The following DNAH8 variants were observed in gnomAD, a reference collection of about 807,000 sequenced individuals.
DNAH8 encodes the protein axonemal beta dynein heavy chain 8.
A neutral mutation model predicts 562.1 loss-of-function variants in DNAH8; 382 were observed. The observed-to-expected ratio is 0.68, with a 90% CI of 0.63 to 0.74. The LOEUF is 0.74. Ranked by LOEUF, DNAH8 falls within the 30% of genes least tolerant of loss-of-function variation. The pLI, the probability that DNAH8 is intolerant of heterozygous loss-of-function variation, is 0.00. For missense variants in DNAH8, 5,203 were observed against 5,620.4 expected (o/e 0.93, Z 2.37); for synonymous variants, 1,881 against 1,919.4 (o/e 0.98, Z 0.52).
intron 87 of DNAH8, among the ~76,000 whole-genome samples, chr6:38,987,739 T>C (rs1241606716): frequency 6.6e-6 from 1 of 152,188 alleles, no homozygotes; most frequent in East Asian, 1.9e-4. Context: ...TTCCTTATCC[T>C]ACTGAATCTT....
At chr6:38,843,094 T>G (rs2150373120) in intron 35 of DNAH8, among the ~76,000 whole-genome samples, 191 bp downstream of exon 35, 1 of 152,318 alleles carries the variant, frequency 6.6e-6, no homozygotes, top group East Asian at 1.9e-4. Flanking sequence ...GATTATATGA[T>G]TATTTGAAAT....
At chr6:38,770,083 G>A (rs905458346) in intron 11 of DNAH8, among the ~76,000 whole-genome samples, 4 of 152,108 alleles carry the variant, frequency 2.6e-5, no homozygotes, top group Non-Finnish European at 5.9e-5. Context: ...ATATACCTGC[G>A]CATAAAGAAT....
rs1207477459 is a variant in DNAH8 at position 38,935,691 on chromosome 6, A to C, written c.11557A>C (p.Thr3853Pro). The C allele has an allele frequency of 6.2e-7, 1 of 1,601,196 alleles. No homozygotes were observed. Among genetic ancestry groups the C allele is most frequent in the Non-Finnish European group, 8.5e-7 (1 of 1,171,354 alleles). ...TAACCTCCTCTATAAATTAAGTGCT[A>C]CAAAAGGTATTGTGTTATTAAGAAG... ...EDNLLYKLSATKGSLVDDESL... is the reference protein window; with the variant it reads ...EDNLLYKLSAPKGSLVDDESL... Residue 3853 changes from threonine to proline, a missense_variant, in exon 77 of 93, where the codon ACA becomes CCA. Coordinates refer to ENST00000327475, the MANE Select transcript of DNAH8 (RefSeq NM_001206927.2).
chr6:38,850,588 G>A (rs541381298), intron 38 of DNAH8, among the ~76,000 whole-genome samples, 174 bp downstream of exon 38: 50 of 152,296 alleles, frequency 3.3e-4, no homozygotes, highest in African/African-American at 1.2e-3. Context: ...TGACTTGGGG[G>A]TGGTTAAGGC....
chr6:38,862,466 T>G lies in DNAH8; in HGVS notation c.6310+8T>G, dbSNP rs777458998. ...TAGGAAGGATTTTCAAAGGCAAGTG[T>G]CAAATAATGTAGATTATTTTAGGTG... On this transcript the variant is annotated splice_region_variant and intron_variant, in intron 44 of 92. Transcript: ENST00000327475. The G allele has an allele frequency of 7.5e-6, 12 of 1,596,430 alleles. No individual in the cohort carries two copies. The highest frequency in any genetic ancestry group is 1.0e-5 in the Non-Finnish European group (12 of 1,172,746).
At chr6:39,006,374 A>G (rs1765801105) in intron 88 of DNAH8, among the ~76,000 whole-genome samples, 1 of 152,144 alleles carries the variant, frequency 6.6e-6, no homozygotes, top group Admixed American at 6.5e-5. Context: ...CCTCTTTAAT[A>G]CTTGTATTTT....
At chr6:38,933,070 AT>A (rs1561881517) in intron 76 of DNAH8, among the ~76,000 whole-genome samples, 1 of 152,170 alleles carries the variant, frequency 6.6e-6, no homozygotes, top group East Asian at 1.9e-4. Context: ...TGGCCCGGCA[AT>A]TCACTGTTTC....
rs377740762 is a variant in DNAH8 at position 38,945,448 on chromosome 6, G to C, written c.12008-19G>C. 3.6e-4 allele frequency: 584 copies of C among 1,613,560 alleles called. 1 individual carries two copies. The highest frequency in any genetic ancestry group is 4.6e-4 in the Non-Finnish European group (544 of 1,179,790). The stretch of plus-strand genomic sequence containing the variant: ...AGTACAGGCTTACCCAATTCACCCT[G>C]TCTGACGCTCTTCCCCAGGGGGAGC... On this transcript the variant is annotated intron_variant, in intron 79 of 92. Coordinates refer to ENST00000327475, the MANE Select transcript of DNAH8 (RefSeq NM_001206927.2).
At chr6:38,876,748 G>A (rs1397045180) in intron 53 of DNAH8, among the ~76,000 whole-genome samples, 2 of 152,106 alleles carry the variant, frequency 1.3e-5, no homozygotes, top group African/African-American at 4.8e-5. Context: ...CCAGACAATC[G>A]GCCTTCCCCA....
chr6:38,762,052 C>T (rs1766574677), intron 11 of DNAH8, among the ~76,000 whole-genome samples: 1 of 152,126 alleles, frequency 6.6e-6, no homozygotes. Context: ...TACGCTCTGG[C>T]CCCTACATCT....
rs570189919 is a variant in DNAH8, at chr6:38,949,663, G to T, written c.12248+93G>T. ...AGTGAGTTTACTTCACTATATCACT[G>T]TCATTGAAAGTAACGGCAAAAACCG... is the stretch of plus-strand genomic sequence containing the variant. On this transcript the variant is annotated intron_variant, in intron 81 of 92. Coordinates refer to ENST00000327475, the MANE Select transcript of DNAH8 (RefSeq NM_001206927.2). 3.1e-4 allele frequency: 228 copies of T among 742,398 alleles called. 2 individuals are homozygous for T. The highest frequency in any genetic ancestry group is 2.8e-3 in the South Asian group (141 of 50,512). The allele number at this position is 742,398 out of a possible 1,614,324, so 46.0% of individuals were successfully genotyped here. A position where few individuals can be genotyped will look rare whatever the true frequency, so the allele number is the denominator to read the frequency against.
At chr6:38,792,862 TTGACCTCC>T (rs1466459914) in intron 21 of DNAH8, among the ~76,000 whole-genome samples, 2 of 152,052 alleles carry the variant, frequency 1.3e-5, no homozygotes, top group Middle Eastern at 3.4e-3. Flanking sequence ...CACTGGAGCC[TTGACCTCC>T]TGGGCTCAAG....
intron 88 of DNAH8, among the ~76,000 whole-genome samples, chr6:39,003,162 G>A (rs9462470): frequency 0.14 from 21,569 of 152,096 alleles, 1,677 homozygotes; most frequent in African/African-American, 0.2. Context: ...CTGCCAATTC[G>A]TGTGGCAAAT....
At chr6:38,990,813 C>T (rs1764734371) in intron 88 of DNAH8, among the ~76,000 whole-genome samples, 2 of 152,212 alleles carry the variant, frequency 1.3e-5, no homozygotes, top group South Asian at 4.1e-4. Context: ...AGCCCCTTGG[C>T]ATGAGGTGTC....
intron 11 of DNAH8, 52 bp downstream of exon 11, chr6:38,761,855 C>A: frequency 2.7e-6 from 3 of 1,102,342 alleles, no homozygotes; most frequent in South Asian, 1.6e-5. Flanking sequence ...CCATCCTGCC[C>A]AATTTTACTT....
chr6:38,825,803 A>G (rs1022526832), intron 28 of DNAH8, among the ~76,000 whole-genome samples: 1 of 152,166 alleles, frequency 6.6e-6, no homozygotes, highest in Non-Finnish European at 1.5e-5. Context: ...ACTCCACCTC[A>G]TGGGATCTCT....
At chr6:38,767,679 A>G (rs1767151120) in intron 11 of DNAH8, among the ~76,000 whole-genome samples, 1 of 152,066 alleles carries the variant, frequency 6.6e-6, no homozygotes, top group African/African-American at 2.4e-5. Context: ...TAGTCCATAT[A>G]TTTTTATCCA....
chr6:38,796,767 G>A (rs1295077386), intron 21 of DNAH8, among the ~76,000 whole-genome samples: 2 of 152,146 alleles, frequency 1.3e-5, no homozygotes, highest in Non-Finnish European at 2.9e-5. Context: ...AAAAGGGACA[G>A]CAATTGCTCA....
chr6:38,915,523 C>A, intron 68 of DNAH8, 146 bp downstream of exon 68: 1 of 734,434 alleles, frequency 1.4e-6, no homozygotes, highest in Non-Finnish European at 2.0e-6. Context: ...TCAATTAATT[C>A]AGTTTTCTAA....
Sources: allele counts gnomAD v4.1 joint callset (sites outside exome capture counted in the v4.1 genomes callset), GRCh38; gene constraint gnomAD v4.1.1; transcripts MANE v1.5; gene names NCBI Gene and HGNC (gene_info 2026-07-23, HGNC 2026-07-21).